EYA4: variants seen among roughly 807,000 people sequenced by gnomAD.
The protein encoded by EYA4 is EYA transcriptional coactivator and phosphatase 4, also known as protein phosphatase EYA4.
In EYA4, 31 loss-of-function variants were observed where a neutral mutation model predicts 87.9. The ratio of observed to expected loss-of-function variants is 0.35; its 90% CI spans 0.27 to 0.48. The LOEUF (loss-of-function observed/expected upper bound fraction) is 0.48, where lower values mean the gene tolerates loss of function less well. Among genes scored for constraint, EYA4 ranks in the 20% least tolerant of loss-of-function variants. The pLI is 0.99. For missense variants in EYA4, 678 were observed against 761.4 expected (o/e 0.89, Z 1.29); for synonymous variants, 263 against 270.6 (o/e 0.97, Z 0.28).
intron 13 of EYA4, among the ~76,000 whole-genome samples, chr6:133,503,323 G>A (rs1798301078): frequency 6.6e-6 from 1 of 152,196 alleles, no homozygotes; most frequent in African/African-American, 2.4e-5. Flanking sequence ...TGCAAAGAAT[G>A]TGAAGAATGA....
chr6:133,484,342 TCTATATTAAG>T (rs1460962882), intron 13 of EYA4, among the ~76,000 whole-genome samples: 3 of 152,228 alleles, frequency 2.0e-5, no homozygotes, highest in African/African-American at 7.2e-5. Context: ...TTTAGCTTTG[TCTATATTAAG>T]CTATATTAAG....
intron 2 of EYA4, among the ~76,000 whole-genome samples, chr6:133,292,505 A>G (rs117154264): frequency 1.8e-4 from 28 of 152,318 alleles, no homozygotes; most frequent in Non-Finnish European, 3.4e-4. Context: ...TGTTTATTAC[A>G]TGAACATGGA....
At chr6:133,322,370 C>G (rs1268928491) in intron 2 of EYA4, among the ~76,000 whole-genome samples, 1 of 152,132 alleles carries the variant, frequency 6.6e-6, no homozygotes, top group Non-Finnish European at 1.5e-5. Context: ...GATTCAATAT[C>G]ACAGTTATTT....
intron 13 of EYA4, among the ~76,000 whole-genome samples, chr6:133,488,247 A>G (rs1273434516): frequency 1.3e-5 from 2 of 152,140 alleles, no homozygotes; most frequent in Non-Finnish European, 2.9e-5. Flanking sequence ...TAGTTTCCTA[A>G]TAGAGCACCA....
intron 3 of EYA4, among the ~76,000 whole-genome samples, chr6:133,383,391 G>T (rs1299458790): frequency 6.6e-6 from 1 of 151,960 alleles, no homozygotes; most frequent in Non-Finnish European, 1.5e-5. Context: ...GATGGTGGGT[G>T]CCTGTAATCC....
intron 11 of EYA4, among the ~76,000 whole-genome samples, chr6:133,479,277 G>A (rs1164042373): frequency 6.6e-6 from 1 of 152,146 alleles, no homozygotes; most frequent in Non-Finnish European, 1.5e-5. Flanking sequence ...GATTTACTAT[G>A]AGACAAGGCT....
At chr6:133,515,246 CA>C (rs1799490752) in intron 16 of EYA4, 74 bp from the exon 17 acceptor site, 1 of 799,462 alleles carries the variant, frequency 1.3e-6, no homozygotes, top group African/African-American at 1.7e-5. Context: ...CTATTCCAGA[CA>C]GAAGGGAATC....
intron 2 of EYA4, among the ~76,000 whole-genome samples, chr6:133,308,196 G>C (rs753246289): frequency 1.2e-4 from 18 of 152,174 alleles, no homozygotes; most frequent in Middle Eastern, 6.8e-3. Flanking sequence ...ATTAGTCCAT[G>C]AAAATGGACT....
intron 16 of EYA4, 46 bp downstream of exon 16, chr6:133,513,084 TA>T (rs1799297619): frequency 1.3e-6 from 2 of 1,536,474 alleles, no homozygotes; most frequent in Non-Finnish European, 1.8e-6. Flanking sequence ...TGGGTATAGG[TA>T]GAATTCAATC....
At chr6:133,295,985 T>A (rs542031560) in intron 2 of EYA4, among the ~76,000 whole-genome samples, 2 of 152,196 alleles carry the variant, frequency 1.3e-5, no homozygotes, top group Admixed American at 1.3e-4. Context: ...TGTAACAGGA[T>A]CGAAAGTGAT....
intron 18 of EYA4, among the ~76,000 whole-genome samples, chr6:133,524,078 G>A (rs1302693155): frequency 6.6e-6 from 1 of 152,122 alleles, no homozygotes; most frequent in Admixed American, 6.6e-5. Context: ...CTTCCGTAGA[G>A]TAAATTTCAC....
rs1221167721 is a variant in EYA4 at position 133,491,966 on chromosome 6, A to AAG, written c.1191+8852_1191+8853insGA. Among the ~76,000 whole-genome samples the AAG allele has an allele frequency of 2.0e-5, 3 of 151,272 alleles. No homozygotes were observed. In the East Asian group the frequency reaches 5.8e-4, roughly 29 times the overall value. On this transcript the variant is annotated intron_variant, in intron 13 of 19. Transcript: ENST00000355286. ...AACTCCGTCTCAAAAAAAAAAAAAA[A>AAG]AAAAAGAGGAAGAAGAAAAGAAAGC...
At chr6:133,349,010 G>A (rs1453879311) in intron 2 of EYA4, among the ~76,000 whole-genome samples, 1 of 152,076 alleles carries the variant, frequency 6.6e-6, no homozygotes, top group East Asian at 1.9e-4. Context: ...TCTGTTATCT[G>A]TCTCCTCCTC....
chr6:133,391,138 C>T (rs1186714101), intron 3 of EYA4, among the ~76,000 whole-genome samples: 1 of 151,080 alleles, frequency 6.6e-6, no homozygotes. Flanking sequence ...AGTTAGGACT[C>T]TTATTGGTTG....
intron 14 of EYA4, among the ~76,000 whole-genome samples, chr6:133,509,732 TG>T (rs1798977195): frequency 6.6e-6 from 1 of 152,232 alleles, no homozygotes; most frequent in South Asian, 2.1e-4. Context: ...GACCACTTTT[TG>T]GTCACTTTGT....
intron 2 of EYA4, among the ~76,000 whole-genome samples, chr6:133,299,955 C>CTATCTATA (rs1554220543): frequency 3.8e-4 from 40 of 106,226 alleles, no homozygotes; most frequent in African/African-American, 1.2e-3. Flanking sequence ...ATCTATCTAT[C>CTATCTATA]TATATATATA....
chr6:133,329,020 T>G (rs924854088), intron 2 of EYA4, among the ~76,000 whole-genome samples: 3 of 152,142 alleles, frequency 2.0e-5, no homozygotes, highest in African/African-American at 2.4e-5. Context: ...TAAATCTTTT[T>G]AAAACTTTTA....
chr6:133,337,520 G>A (rs1273920659), intron 2 of EYA4, among the ~76,000 whole-genome samples: 1 of 152,056 alleles, frequency 6.6e-6, no homozygotes, highest in Non-Finnish European at 1.5e-5. Flanking sequence ...TCCAAGATTT[G>A]GTATTAGACA....
chr6:133,495,607 A>C (rs1797588811), intron 13 of EYA4, among the ~76,000 whole-genome samples: 2 of 152,090 alleles, frequency 1.3e-5, no homozygotes, highest in African/African-American at 4.8e-5. Flanking sequence ...ATTGTCTGCT[A>C]TGCAGAGAAT....
Sources: gnomAD v4.1 joint callset for allele counts (sites outside exome capture counted in the v4.1 genomes callset) on GRCh38, gnomAD v4.1.1 for gene constraint, MANE v1.5 for transcripts, NCBI Gene and HGNC (gene_info 2026-07-23, HGNC 2026-07-21) for gene names.